The following RIMBP2 variants were observed in gnomAD, a reference collection of about 807,000 sequenced individuals.
The protein encoded by RIMBP2 is RIMS binding protein 2, also known as RIMS-binding protein 2.
In RIMBP2, 48 loss-of-function variants were observed where a neutral mutation model predicts 118.6. That is an observed-to-expected ratio of 0.40 (90% CI 0.32 to 0.51). The LOEUF (loss-of-function observed/expected upper bound fraction) is 0.51, where lower values mean the gene tolerates loss of function less well. Ranked by LOEUF, RIMBP2 falls within the 20% of genes least tolerant of loss-of-function variation. The pLI is 0.41. For synonymous variants in RIMBP2, 762 were observed against 742.9 expected (o/e 1.03, Z -0.42); for missense variants, 1,551 against 1,768.3 (o/e 0.88, Z 2.20).
At chr12:130,697,736 C>T (rs770430590) in intron 1 of RIMBP2, among the ~76,000 whole-genome samples, 6 of 152,208 alleles carry the variant, frequency 3.9e-5, no homozygotes, top group South Asian at 2.1e-4. Flanking sequence ...GCTGGAGGAT[C>T]GCCTGAGTCC....
intron 1 of RIMBP2, among the ~76,000 whole-genome samples, chr12:130,678,820 A>G (rs1364456483): frequency 6.6e-6 from 1 of 152,144 alleles, no homozygotes; most frequent in Non-Finnish European, 1.5e-5. Context: ...TCCCTGGCCT[A>G]GGATTGCATT....
chr12:130,430,948 G>A (rs112691219), intron 14 of RIMBP2, among the ~76,000 whole-genome samples: 1,722 of 152,128 alleles, frequency 0.011, 34 homozygotes, highest in African/African-American at 0.04. Flanking sequence ...CAGTCTTTAC[G>A]TAATGTGTAC....
In RIMBP2 at chr12:130,683,011, T is replaced by C. The variant is rs555068743; in HGVS notation, c.-352+33211A>G. On this transcript the variant is annotated intron_variant, in intron 1 of 22. Coordinates refer to ENST00000690449, the MANE Select transcript of RIMBP2 (RefSeq NM_001393629.1). The surrounding 1 kb of genome is among the most constrained non-coding windows in gnomAD (Gnocchi z 4.4). ...GTCTAATTATGTCGGAGGCGCACTA[T>C]GTCTCATTCTTTTATCTTTAAGGTG... Among the ~76,000 whole-genome samples the C allele has an allele frequency of 6.6e-6, 1 of 152,342 alleles. No individual in the cohort carries two copies. Among genetic ancestry groups the C allele is most frequent in the South Asian group, 2.1e-4 (1 of 4,822 alleles).
chr12:130,506,602 C>T, intron 4 of RIMBP2, 46 bp downstream of exon 4: 1 of 985,606 alleles, frequency 1.0e-6, no homozygotes, highest in Non-Finnish European at 1.2e-6. Flanking sequence ...CTCACACCGA[C>T]CTCACAAAGA....
intron 2 of RIMBP2, among the ~76,000 whole-genome samples, chr12:130,596,925 T>G (rs7306885): frequency 0.12 from 18,908 of 152,306 alleles, 1,534 homozygotes; most frequent in Non-Finnish European, 0.19. Flanking sequence ...AGTGGCTCCA[T>G]GTTTATTAAA....
intron 2 of RIMBP2, among the ~76,000 whole-genome samples, chr12:130,584,587 C>T (rs2058743535): frequency 6.6e-6 from 1 of 152,134 alleles, no homozygotes; most frequent in African/African-American, 2.4e-5. Context: ...ATTACATCAC[C>T]ACCATTACAT....
chr12:130,463,861 C>T (rs4759689), intron 6 of RIMBP2, among the ~76,000 whole-genome samples: 13,853 of 143,218 alleles, frequency 0.097, 789 homozygotes, highest in East Asian at 0.19. Context: ...TAAAACAGGG[C>T]GCAGTAAAGG....
rs527962930 is a variant in RIMBP2 at position 130,488,148 on chromosome 12, T to A, written c.-3-9132A>T. Among the ~76,000 whole-genome samples, 14 of 152,186 alleles carry A rather than the reference T, an allele frequency of 9.2e-5. No homozygotes were observed. The East Asian group carries it at 2.7e-3, about 29-fold the overall frequency. On this transcript the variant is annotated intron_variant, in intron 4 of 22. Transcript: ENST00000690449. ...CTTGAGGAGCCTAGAGAAGATTGGA[T>A]CCTCACTACCAAAGATTCCACATTT...
intron 3 of RIMBP2, among the ~76,000 whole-genome samples, chr12:130,509,928 G>A (rs1486113722): frequency 2.6e-5 from 4 of 152,214 alleles, no homozygotes; most frequent in African/African-American, 9.6e-5. Flanking sequence ...GTTTGGGGAG[G>A]AATCGATTCA....
chr12:130,428,382 C>A (rs1258258463), intron 14 of RIMBP2, 45 bp from the exon 15 acceptor site: 2 of 1,572,908 alleles, frequency 1.3e-6, no homozygotes, highest in Non-Finnish European at 1.7e-6. Context: ...GCTCCTCCCG[C>A]ATCCTACAAG....
chr12:130,691,569 G>A (rs902700231), intron 1 of RIMBP2, among the ~76,000 whole-genome samples: 5 of 152,188 alleles, frequency 3.3e-5, no homozygotes, highest in African/African-American at 1.2e-4. Flanking sequence ...TACTTGGGAG[G>A]CTCAGATGGG....
chr12:130,574,054 C>T (rs564033863), intron 2 of RIMBP2, among the ~76,000 whole-genome samples: 2 of 152,180 alleles, frequency 1.3e-5, no homozygotes, highest in Non-Finnish European at 2.9e-5. Flanking sequence ...ATTATCACCA[C>T]GCTAAGGGAT....
chr12:130,430,928 G>C (rs2077112541), intron 14 of RIMBP2, among the ~76,000 whole-genome samples: 1 of 152,186 alleles, frequency 6.6e-6, no homozygotes, highest in South Asian at 2.1e-4. Context: ...ACCACACTCA[G>C]CCATGCTGAC....
At chr12:130,652,891 C>T (rs34428385) in intron 1 of RIMBP2, among the ~76,000 whole-genome samples, 6,563 of 152,168 alleles carry the variant, frequency 0.043, 183 homozygotes, top group Non-Finnish European at 0.065. Context: ...TCAGATCTCA[C>T]GTGAACTAAC....
At chr12:130,545,279 C>T (rs1384873665) in intron 2 of RIMBP2, among the ~76,000 whole-genome samples, 3 of 152,184 alleles carry the variant, frequency 2.0e-5, no homozygotes, top group Admixed American at 1.3e-4. Context: ...TCCCAGGCAG[C>T]GGCCGCTGGT....
chr12:130,602,118 G>T (rs1198812766), intron 2 of RIMBP2, among the ~76,000 whole-genome samples: 1 of 152,150 alleles, frequency 6.6e-6, no homozygotes, highest in African/African-American at 2.4e-5. Context: ...GGCCAGTATG[G>T]CAAAACCTCG....
At position 130,576,625 on chromosome 12, in the gene RIMBP2, G is replaced by C. The variant is rs554137439; in HGVS notation, c.-217+51697C>G. ...GGTAAACCCGAGCCTCCCTGGGTCT[G>C]GAAAATGGAGAGATGAGGATGAAGC... On this transcript the variant is annotated intron_variant, in intron 2 of 22. Coordinates refer to ENST00000690449, the MANE Select transcript of RIMBP2 (RefSeq NM_001393629.1). This position sits in a 1 kb window ranked among gnomAD's most constrained non-coding sequence, Gnocchi z 4.2. Among the ~76,000 whole-genome samples the C allele has an allele frequency of 5.3e-5, 8 of 152,198 alleles. No individual in the cohort carries two copies. The highest frequency in any genetic ancestry group is 8.8e-5 in the Non-Finnish European group (6 of 68,034).
chr12:130,535,728 CATATATATACATATATATATATATAT>C (rs57076045), intron 2 of RIMBP2, among the ~76,000 whole-genome samples: 11,922 of 126,922 alleles, frequency 0.094, 578 homozygotes, highest in Middle Eastern at 0.16. Flanking sequence ...CATATATATA[CATATATATACATATATATATATATAT>C]ATATATATAT....
chr12:130,420,272 T>G lies in RIMBP2; in HGVS notation c.3238+2181A>C, dbSNP rs907322494. 6.6e-5 allele frequency among the ~76,000 whole-genome samples: 10 copies of G among 152,204 alleles called. No homozygotes were observed. Among genetic ancestry groups the G allele is most frequent in the Non-Finnish European group, 8.8e-5 (6 of 68,032 alleles). ...GAGATGTGTATTTGTGTGTAAAGTA[T>G]CTGGTTAGAGTTATTTTATGTGGTG... On this transcript the variant is annotated intron_variant, in intron 17 of 22. Transcript: ENST00000690449. This position sits in a 1 kb window ranked among gnomAD's most constrained non-coding sequence, Gnocchi z 4.3.
Sources: gnomAD v4.1 joint callset for allele counts (sites outside exome capture counted in the v4.1 genomes callset) on GRCh38, gnomAD v4.1.1 for gene constraint, Gnocchi (gnomAD v3.1) non-coding constraint, MANE v1.5 for transcripts, NCBI Gene and HGNC (gene_info 2026-07-23, HGNC 2026-07-21) for gene names.